Variants in USP22 observed in about 807,000 individuals in gnomAD.
USP22 encodes the protein ubiquitin carboxyl-terminal hydrolase 22.
USP22 carries 22 observed loss-of-function variants against 68.1 expected under a neutral mutation model. The observed-to-expected ratio is 0.32, with a 90% CI of 0.23 to 0.46. The LOEUF is 0.46. Among genes scored for constraint, USP22 ranks in the 20% least tolerant of loss-of-function variants. The pLI, the probability that USP22 is intolerant of heterozygous loss-of-function variation, is 1.00. For missense variants in USP22, 433 were observed against 695.8 expected, an observed-to-expected ratio of 0.62 and a Z score of 4.25; for synonymous variants, 279 against 274.2, an observed-to-expected ratio of 1.02 and a Z score of -0.17.
intron 4 of USP22, 41 bp downstream of exon 4, chr17:21,019,043 G>A (rs1481376404): frequency 1.9e-6 from 3 of 1,596,784 alleles, no homozygotes; most frequent in Admixed American, 3.3e-5. Context: ...TTTAAACCCT[G>A]GAAAGAAGCC....
intron 1 of USP22, among the ~76,000 whole-genome samples, chr17:21,031,201 G>A (rs943110699): frequency 2.0e-5 from 3 of 152,168 alleles, no homozygotes; most frequent in East Asian, 1.9e-4. Flanking sequence ...AGGTTTATAC[G>A]CAACCAAAGA....
intron 1 of USP22, among the ~76,000 whole-genome samples, chr17:21,040,351 C>A (rs9893155): frequency 5.9e-5 from 9 of 152,132 alleles, no homozygotes; most frequent in African/African-American, 2.2e-4. Context: ...TGCAGGACAC[C>A]GCACATGAAG....
At chr17:21,016,613 T>G (rs1972086706) in intron 5 of USP22, among the ~76,000 whole-genome samples, 1 of 152,182 alleles carries the variant, frequency 6.6e-6, no homozygotes, top group Non-Finnish European at 1.5e-5. Context: ...GCACACATCA[T>G]GGATGCACGC....
intron 1 of USP22, among the ~76,000 whole-genome samples, chr17:21,033,031 T>C (rs1007692644): frequency 1.3e-5 from 2 of 150,172 alleles, no homozygotes; most frequent in East Asian, 2.0e-4. Context: ...GACGATGCGG[T>C]TGGTGAGTAA....
At chr17:21,037,294 C>A (rs1341960144) in intron 1 of USP22, among the ~76,000 whole-genome samples, 1 of 152,240 alleles carries the variant, frequency 6.6e-6, no homozygotes, top group Admixed American at 6.5e-5. Flanking sequence ...AGGAACAGAA[C>A]TCCCCACCCC....
chr17:21,035,926 G>A lies in USP22; in HGVS notation c.171+6739C>T, dbSNP rs190656475. ...GGCGCCTGTAGTCCCAGTTACTCGG[G>A]AGGCTGAGGCAAGAGAATGGCGTGA... On this transcript the variant is annotated intron_variant, in intron 1 of 12. Transcript: ENST00000261497. 8.6e-3 allele frequency among the ~76,000 whole-genome samples: 1,296 copies of A among 151,144 alleles called. 25 individuals are homozygous for A. Among genetic ancestry groups the A allele is most frequent in the African/African-American group, 0.029 (1,198 of 41,020 alleles).
chr17:21,000,407 GC>G lies in USP22; in HGVS notation c.*2623del, dbSNP rs1286682071. 6.6e-6 allele frequency: 1 copy of G among 152,302 alleles called. No individual in the cohort carries two copies. The highest frequency in any genetic ancestry group is 1.5e-5 in the Non-Finnish European group (1 of 68,084). The allele number at this position is 152,302 out of a possible 1,614,324, so 9.4% of individuals were successfully genotyped here. ...CTTCAGCAGCAGGCATCAGGTAACT[GC>G]TTAGAACGGCAATGCCACAGTGGAA... On this transcript the variant is annotated 3_prime_UTR_variant, in exon 13 of 13. Transcript: ENST00000261497.
At position 21,042,758 on chromosome 17, in the gene USP22, C is replaced by T. The variant is rs1597705171; in HGVS notation, c.78G>A (p.Leu26=). Residue 26 remains leucine (L), a synonymous_variant, in exon 1 of 13, where the codon CTG becomes CTA. Transcript: ENST00000261497. The part of the protein sequence containing the change: ...LAVAPPGCSH[L]GSFKVDNWKQ... ...TCCAGTTGTCCACCTTGAAGCTGCC[C>T]AGGTGCGAGCAGCCCGGCGGCGCTA... 1 of 1,497,390 alleles carries T rather than the reference C, an allele frequency of 6.7e-7. No homozygotes were observed. Among genetic ancestry groups the T allele is most frequent in the East Asian group, 2.7e-5 (1 of 36,758 alleles). 92.8% of individuals were successfully genotyped at this position (1,497,390 alleles called of 1,614,324 possible).
At chr17:21,026,547 C>G (rs962546597) in intron 2 of USP22, among the ~76,000 whole-genome samples, 1 of 151,944 alleles carries the variant, frequency 6.6e-6, no homozygotes, top group African/African-American at 2.4e-5. Context: ...TAGTCTTGAG[C>G]TCCTGCGCTC....
At chr17:21,022,533 T>C (rs11204330) in intron 2 of USP22, among the ~76,000 whole-genome samples, 113,479 of 152,034 alleles carry the variant, frequency 0.75, 42,820 homozygotes, top group South Asian at 0.82. Context: ...GGTGTGGTGG[T>C]TCACGCCTGT....
In USP22 at chr17:20,999,654, G is replaced by A. The variant is rs1449853679; in HGVS notation, c.*3377C>T. On this transcript the variant is annotated 3_prime_UTR_variant, in exon 13 of 13. Coordinates refer to ENST00000261497, the MANE Select transcript of USP22 (RefSeq NM_015276.2). ...GAGACTACAAAGCACTGGGGGGGAG[G>A]AGGAGTGACACAGCTCCTCAAAATG... 6.6e-6 allele frequency: 1 copy of A among 152,204 alleles called. No individual in the cohort carries two copies. Among genetic ancestry groups the A allele is most frequent in the East Asian group, 1.9e-4 (1 of 5,194 alleles). The allele number at this position is 152,204 out of a possible 1,614,324, so 9.4% of individuals were successfully genotyped here.
At position 21,017,605 on chromosome 17, in the gene USP22, G is replaced by A. The variant is rs555193998; in HGVS notation, c.690+337C>T. ...GAGGACACAGGAGGGTGACACATGC[G>A]TGCCTTTCTGAGCCAGGAAGGTAGA... is the stretch of plus-strand genomic sequence containing the variant. On this transcript the variant is annotated intron_variant, in intron 5 of 12. Transcript: ENST00000261497. 2.6e-5 allele frequency among the ~76,000 whole-genome samples: 4 copies of A among 152,286 alleles called. No homozygotes were observed. The South Asian group carries it at 8.3e-4, about 32-fold the overall frequency.
rs1162247314 is a variant in USP22, at chr17:21,015,666, T to G, written c.838+86A>C. Reference sequence around the variant, plus strand: ...GGAATGTGTCACCTGTGCCCCTTTTTGCACGAGTGCATACACTCGCTTTGC... The same window carrying G: ...GGAATGTGTCACCTGTGCCCCTTTTGGCACGAGTGCATACACTCGCTTTGC... On this transcript the variant is annotated intron_variant, in intron 6 of 12. Transcript: ENST00000261497. The G allele has an allele frequency of 2.1e-6, 3 of 1,461,988 alleles. No homozygotes were observed. In the African/African-American group the frequency reaches 4.3e-5, roughly 21 times the overall value. 90.6% of individuals were successfully genotyped at this position (1,461,988 alleles called of 1,614,324 possible).
At chr17:21,040,177 C>CA (rs1972408727) in intron 1 of USP22, among the ~76,000 whole-genome samples, 2 of 152,214 alleles carry the variant, frequency 1.3e-5, no homozygotes, top group East Asian at 3.9e-4. Flanking sequence ...TCTGTCTCTA[C>CA]AAAAAATAAT....
chr17:21,026,584 G>A (rs911227719), intron 2 of USP22, among the ~76,000 whole-genome samples: 12 of 151,308 alleles, frequency 7.9e-5, no homozygotes, highest in African/African-American at 2.7e-4. Flanking sequence ...TCAGCCTCCC[G>A]AAGTGCTGGG....
intron 8 of USP22, among the ~76,000 whole-genome samples, chr17:21,010,886 CTG>C (rs1913944198): frequency 6.6e-6 from 1 of 152,156 alleles, no homozygotes. Context: ...CAGTTTGGCT[CTG>C]GGTTCATTTA....
In USP22 at chr17:21,004,200, A is replaced by ACCCTTCGCTGTCCAGGACGTC; in HGVS notation, c.1516_1535+1dup. 1 of 1,613,848 alleles carries ACCCTTCGCTGTCCAGGACGTC rather than the reference A, an allele frequency of 6.2e-7. No individual in the cohort carries two copies. Among genetic ancestry groups the ACCCTTCGCTGTCCAGGACGTC allele is most frequent in the Non-Finnish European group, 8.5e-7 (1 of 1,179,862 alleles). On this transcript the variant is annotated splice_donor_variant, in intron 12 of 12. Transcript: ENST00000261497. LOFTEE classifies it high-confidence loss of function. ...GCCTTCCTCCCACCCCACAGGACGC[A>ACCCTTCGCTGTCCAGGACGTC]CCCTTCGCTGTCCAGGACGTCCTTG...
Position 21,006,952 on chromosome 17 carries a change from G to C in USP22, c.1266C>G (p.Ile422Met). The C allele has an allele frequency of 6.2e-7, 1 of 1,608,916 alleles. No individual in the cohort carries two copies. The highest frequency in any genetic ancestry group is 1.7e-4 in the Middle Eastern group (1 of 6,050). The part of the protein sequence containing the change: ...FEHSAKLRRK[I>M]TTYVSFPLEL... ...CCAGGGGGAAGGACACATACGTGGT[G>C]ATCTTCCGCCGCAGCTTGGCTGAGT... The change falls in exon 10 of 13, where the codon ATC (isoleucine) becomes ATG (methionine). Residue 422 changes from isoleucine (I) to methionine (M), a missense_variant. Physicochemically the swap from Ile to Met is conservative, Grantham distance 10. This residue lies in a region of USP22 where 178 missense variants were observed against 351.5 expected (regional missense o/e 0.51). Transcript: ENST00000261497.
At chr17:21,003,172 C>T in intron 12 of USP22, 99 bp from the exon 13 acceptor site, 2 of 1,444,036 alleles carry the variant, frequency 1.4e-6, no homozygotes, top group Non-Finnish European at 1.9e-6. Flanking sequence ...CTGCGCTCTG[C>T]ACAGGTCGGC....
Sources: allele counts gnomAD v4.1 joint callset (sites outside exome capture counted in the v4.1 genomes callset), GRCh38; gene constraint gnomAD v4.1.1; regional missense constraint gnomAD v4.1.1; transcripts MANE v1.5; gene names NCBI Gene and HGNC (gene_info 2026-07-23, HGNC 2026-07-21).